The following FNIP1 variants were observed in gnomAD, a reference collection of about 807,000 sequenced individuals.
FNIP1 encodes the protein folliculin-interacting protein 1.
In FNIP1, 40 loss-of-function variants were observed where a neutral mutation model predicts 124.5. The observed-to-expected ratio is 0.32, with a 90% CI of 0.25 to 0.42. The LOEUF is 0.42. Among genes scored for constraint, FNIP1 ranks in the 10% least tolerant of loss-of-function variants. The pLI, the probability that FNIP1 is intolerant of heterozygous loss-of-function variation, is 1.00. For synonymous variants in FNIP1, 472 were observed against 470.6 expected (o/e 1.00, Z -0.04); for missense variants, 1,176 against 1,403.7 (o/e 0.84, Z 2.59).
At chr5:131,769,049 A>T (rs1338793423) in intron 1 of FNIP1, among the ~76,000 whole-genome samples, 1 of 152,158 alleles carries the variant, frequency 6.6e-6, no homozygotes, top group African/African-American at 2.4e-5. Flanking sequence ...TTTACATTTT[A>T]CTTATAAATA....
chr5:131,677,968 C>A (rs1393803436), intron 12 of FNIP1, 96 bp from the exon 13 acceptor site: 2 of 1,249,650 alleles, frequency 1.6e-6, no homozygotes, highest in South Asian at 1.6e-5. Flanking sequence ...TATATATGTT[C>A]ATGTGGCCAA....
chr5:131,792,752 C>A (rs1772449840), intron 1 of FNIP1, among the ~76,000 whole-genome samples: 1 of 152,072 alleles, frequency 6.6e-6, no homozygotes, highest in South Asian at 2.1e-4. Flanking sequence ...AAATTATGTG[C>A]TATTATGTGT....
At chr5:131,726,442 G>A (rs1477399868) in intron 3 of FNIP1, among the ~76,000 whole-genome samples, 1 of 152,052 alleles carries the variant, frequency 6.6e-6, no homozygotes. Flanking sequence ...ATGTGTCCAG[G>A]AATTTATCCA....
At chr5:131,735,507 T>C (rs987763566) in intron 2 of FNIP1, among the ~76,000 whole-genome samples, 1 of 148,326 alleles carries the variant, frequency 6.7e-6, no homozygotes, top group Non-Finnish European at 1.5e-5. Context: ...ATAAAATATG[T>C]ATATATACGT....
chr5:131,763,288 T>TACACACACAAACACACAC (rs1771295793), intron 1 of FNIP1, among the ~76,000 whole-genome samples: 1 of 148,360 alleles, frequency 6.7e-6, no homozygotes, highest in African/African-American at 2.5e-5. Flanking sequence ...CAAATGCAAA[T>TACACACACAAACACACAC]ACACACACAC....
chr5:131,775,433 A>G (rs1423305666), intron 1 of FNIP1, among the ~76,000 whole-genome samples: 1 of 141,906 alleles, frequency 7.0e-6, no homozygotes, highest in Non-Finnish European at 1.5e-5. Context: ...AAGGATAATA[A>G]AACAGTTCAT....
intron 15 of FNIP1, among the ~76,000 whole-genome samples, chr5:131,654,756 T>A (rs1011714097): frequency 3.3e-5 from 5 of 152,174 alleles, no homozygotes; most frequent in Admixed American, 3.3e-4. Context: ...AGAACATGGA[T>A]AATTCGGTAA....
chr5:131,734,004 A>C (rs1770196556), intron 2 of FNIP1, among the ~76,000 whole-genome samples: 1 of 152,128 alleles, frequency 6.6e-6, no homozygotes, highest in South Asian at 2.1e-4. Flanking sequence ...CCTCAATTTC[A>C]GAGCCTGTTA....
At chr5:131,768,562 C>G (rs980762838) in intron 1 of FNIP1, among the ~76,000 whole-genome samples, 11 of 151,798 alleles carry the variant, frequency 7.2e-5, no homozygotes, top group Admixed American at 7.2e-4. Flanking sequence ...GTAATCCCAG[C>G]ACTTTGGGAG....
intron 11 of FNIP1, among the ~76,000 whole-genome samples, chr5:131,687,240 G>C (rs1768311525): frequency 6.6e-6 from 1 of 151,380 alleles, no homozygotes; most frequent in African/African-American, 2.4e-5. Flanking sequence ...CCAGTAGCTA[G>C]GATTACAGGC....
chr5:131,745,158 CAA>C (rs1172916159), intron 1 of FNIP1, among the ~76,000 whole-genome samples: 2 of 134,560 alleles, frequency 1.5e-5, no homozygotes, highest in Non-Finnish European at 3.3e-5. Context: ...AAAAACAAGC[CAA>C]AAAAAAAAAA....
intron 11 of FNIP1, among the ~76,000 whole-genome samples, chr5:131,682,892 C>A (rs1768138731): frequency 6.6e-6 from 1 of 152,134 alleles, no homozygotes; most frequent in Non-Finnish European, 1.5e-5. Context: ...ATGAAAGACT[C>A]TTTTGGTTGG....
intron 15 of FNIP1, among the ~76,000 whole-genome samples, chr5:131,669,452 A>G (rs1396519402): frequency 6.6e-6 from 1 of 152,164 alleles, no homozygotes; most frequent in Non-Finnish European, 1.5e-5. Flanking sequence ...AAATCCAGCA[A>G]CACATAAAAA....
chr5:131,743,189 T>G (rs1219942254), intron 2 of FNIP1, among the ~76,000 whole-genome samples: 1 of 151,588 alleles, frequency 6.6e-6, no homozygotes, highest in Non-Finnish European at 1.5e-5. Context: ...AATTTTCAAT[T>G]AAGGGAGATA....
chr5:131,656,132 C>T (rs188316390), intron 15 of FNIP1, among the ~76,000 whole-genome samples: 331 of 152,172 alleles, frequency 2.2e-3, no homozygotes, highest in Middle Eastern at 0.02. Context: ...CATGTATTTT[C>T]CATCATGGTT....
In FNIP1 at chr5:131,672,717, C is replaced by T. The variant is rs150686070; in HGVS notation, c.1727G>A (p.Gly576Asp). 4.2e-5 allele frequency: 67 copies of T among 1,613,548 alleles called. No individual in the cohort carries two copies. Among genetic ancestry groups the T allele is most frequent in the Non-Finnish European group, 5.2e-5 (61 of 1,179,790 alleles). The change falls in exon 14 of 18, where the codon GGT becomes GAT. Residue 576 changes from glycine to aspartate, a missense_variant. Gly to Asp is a moderately conservative substitution (Grantham distance 94). Coordinates refer to ENST00000510461, the MANE Select transcript of FNIP1 (RefSeq NM_133372.3). ...GACATACTCTGATTCTTCTATTTCACCTTTCTCTAAAGTGGTAGTAATTAC... is the reference window on the plus strand; with the variant it reads ...GACATACTCTGATTCTTCTATTTCATCTTTCTCTAAAGTGGTAGTAATTAC... ...GTVITTTLEKGEIEESEYVLV... is the reference protein window; with the variant it reads ...GTVITTTLEKDEIEESEYVLV...
intron 6 of FNIP1, among the ~76,000 whole-genome samples, chr5:131,712,764 A>C (rs1769338678): frequency 6.6e-6 from 1 of 152,174 alleles, no homozygotes; most frequent in Non-Finnish European, 1.5e-5. Flanking sequence ...TGCAGTCCTC[A>C]ATAATTTCTA....
At position 131,658,184 on chromosome 5, in the gene FNIP1, C is replaced by T. The variant is rs150674856; in HGVS notation, c.3109-6185G>A. Among the ~76,000 whole-genome samples, 489 of 152,220 alleles carry T rather than the reference C, an allele frequency of 3.2e-3. 6 individuals are homozygous for T. Among genetic ancestry groups the T allele is most frequent in the African/African-American group, 0.012 (480 of 41,524 alleles). On this transcript the variant is annotated intron_variant, in intron 15 of 17. Transcript: ENST00000510461. ...GACAATGAGGAACAAGACGTAGAAGCAGCAAGGCCAAAAAACAAATTGACG... is the reference window on the plus strand; with the variant it reads ...GACAATGAGGAACAAGACGTAGAAGTAGCAAGGCCAAAAAACAAATTGACG...
rs1227815126 is a variant in FNIP1 at position 131,780,489 on chromosome 5, A to T, written c.92+16341T>A. On this transcript the variant is annotated intron_variant, in intron 1 of 17. Coordinates refer to ENST00000510461, the MANE Select transcript of FNIP1 (RefSeq NM_133372.3). Reference sequence around the variant, plus strand: ...TTATTTTTATTTTATTTTTATTTTTATTTTTTTTACAAATTGAAGGTTTTT... The same window carrying T: ...TTATTTTTATTTTATTTTTATTTTTTTTTTTTTTACAAATTGAAGGTTTTT... 6.6e-5 allele frequency among the ~76,000 whole-genome samples: 10 copies of T among 150,790 alleles called. No individual in the cohort carries two copies. The East Asian group carries it at 1.2e-3, about 18-fold the overall frequency.
Sources: allele counts gnomAD v4.1 joint callset (sites outside exome capture counted in the v4.1 genomes callset), GRCh38; gene constraint gnomAD v4.1.1; transcripts MANE v1.5; gene names NCBI Gene and HGNC (gene_info 2026-07-23, HGNC 2026-07-21).